Variants in GABBR2 observed in about 807,000 individuals in gnomAD.
GABBR2 encodes the protein G-protein coupled receptor 51.
In GABBR2, 23 loss-of-function variants were observed where a neutral mutation model predicts 105.6. The ratio of observed to expected loss-of-function variants is 0.22; its 90% CI spans 0.16 to 0.31. The LOEUF (loss-of-function observed/expected upper bound fraction) is 0.31, where lower values mean the gene tolerates loss of function less well. Ranked by LOEUF, GABBR2 falls within the 10% of genes least tolerant of loss-of-function variation. The pLI is 1.00. For missense variants in GABBR2, 734 were observed against 1,245.5 expected (o/e 0.59, Z 6.18); for synonymous variants, 478 against 499.7 (o/e 0.96, Z 0.58).
chr9:98,698,899 G>A (rs772631681), intron 1 of GABBR2, among the ~76,000 whole-genome samples: 4 of 152,180 alleles, frequency 2.6e-5, no homozygotes, highest in Non-Finnish European at 5.9e-5. Context: ...TCCTGAGTTA[G>A]TCCTGGCCAT....
At chr9:98,578,644 G>A (rs1332122115) in intron 1 of GABBR2, among the ~76,000 whole-genome samples, 3 of 152,164 alleles carry the variant, frequency 2.0e-5, no homozygotes, top group Non-Finnish European at 2.9e-5. Flanking sequence ...GGGACTTGAA[G>A]AGATAGTTGT....
At chr9:98,521,737 A>C (rs1031178580) in intron 3 of GABBR2, among the ~76,000 whole-genome samples, 11 of 152,192 alleles carry the variant, frequency 7.2e-5, no homozygotes, top group Non-Finnish European at 1.3e-4. Flanking sequence ...TTCCAGATGA[A>C]TATCCAAGGT....
chr9:98,508,522 AG>A (rs1258518613), intron 3 of GABBR2, among the ~76,000 whole-genome samples: 3 of 152,234 alleles, frequency 2.0e-5, no homozygotes, highest in East Asian at 3.8e-4. Context: ...AGTCAAAGAA[AG>A]GGGTAACAGA....
Position 98,306,432 on chromosome 9 carries a change from T to A in GABBR2, c.2005-87A>T, listed in dbSNP as rs1292894900. The A allele has an allele frequency of 2.5e-6, 2 of 810,532 alleles. No homozygotes were observed. The highest frequency in any genetic ancestry group is 2.4e-4 in the Middle Eastern group (1 of 4,240). The allele number at this position is 810,532 out of a possible 1,614,324, so 50.2% of individuals were successfully genotyped here. On this transcript the variant is annotated intron_variant, in intron 14 of 18. Coordinates refer to ENST00000259455, the MANE Select transcript of GABBR2 (RefSeq NM_005458.8). This position sits in a 1 kb window ranked among gnomAD's most constrained non-coding sequence, Gnocchi z 5.4. ...CTCTGAGAAGCTGTGGAGTGGAGGG[T>A]TACTCAGGAGGTGGGCTGCAGGGAG...
intron 3 of GABBR2, among the ~76,000 whole-genome samples, chr9:98,505,873 C>T (rs1827500070): frequency 6.6e-6 from 1 of 152,140 alleles, no homozygotes; most frequent in Admixed American, 6.5e-5. Flanking sequence ...AACTATGAGA[C>T]AATACATTTC....
chr9:98,691,400 G>A (rs1390476253), intron 1 of GABBR2, among the ~76,000 whole-genome samples: 1 of 152,158 alleles, frequency 6.6e-6, no homozygotes, highest in Non-Finnish European at 1.5e-5. Flanking sequence ...TTAACTCCAA[G>A]TCAGCCTAAT....
At chr9:98,353,320 C>A (rs1485693558) in intron 13 of GABBR2, among the ~76,000 whole-genome samples, 1 of 152,194 alleles carries the variant, frequency 6.6e-6, no homozygotes, top group African/African-American at 2.4e-5. Flanking sequence ...AATTATCTTG[C>A]TATTTCCACC....
intron 6 of GABBR2, among the ~76,000 whole-genome samples, chr9:98,455,914 C>T (rs529020758): frequency 1.3e-5 from 2 of 152,170 alleles, no homozygotes; most frequent in Non-Finnish European, 2.9e-5. Context: ...TCAGGGTCCT[C>T]CTGGAAGGCT....
At chr9:98,659,246 T>G (rs1830221261) in intron 1 of GABBR2, among the ~76,000 whole-genome samples, 1 of 152,254 alleles carries the variant, frequency 6.6e-6, no homozygotes, top group Non-Finnish European at 1.5e-5. Context: ...GTCTTCATTT[T>G]ACAGTTCTCC....
intron 1 of GABBR2, among the ~76,000 whole-genome samples, chr9:98,661,408 C>T (rs1482641806): frequency 6.6e-6 from 1 of 150,616 alleles, no homozygotes; most frequent in Non-Finnish European, 1.5e-5. Context: ...TGACTTTTCC[C>T]CCACCCCCCC....
At chr9:98,419,539 C>T (rs766484600) in intron 7 of GABBR2, among the ~76,000 whole-genome samples, 19 of 152,156 alleles carry the variant, frequency 1.2e-4, no homozygotes, top group Non-Finnish European at 2.4e-4. Context: ...GCGGAAGAAC[C>T]TCTCAAACAA....
chr9:98,623,445 A>G (rs1829694759), intron 1 of GABBR2, among the ~76,000 whole-genome samples: 1 of 152,136 alleles, frequency 6.6e-6, no homozygotes, highest in African/African-American at 2.4e-5. Context: ...AAATAAATAA[A>G]ATATTTTTAA....
intron 2 of GABBR2, among the ~76,000 whole-genome samples, chr9:98,546,498 C>G (rs1029151706): frequency 6.6e-6 from 1 of 152,118 alleles, no homozygotes; most frequent in African/African-American, 2.4e-5. Flanking sequence ...ATTCATTGAG[C>G]GAGTGAAGAT....
intron 1 of GABBR2, among the ~76,000 whole-genome samples, chr9:98,685,646 G>A (rs749905968): frequency 2.6e-5 from 4 of 152,010 alleles, no homozygotes; most frequent in African/African-American, 7.2e-5. Context: ...GGATCTCTTC[G>A]TCCCATGACA....
intron 6 of GABBR2, among the ~76,000 whole-genome samples, chr9:98,457,299 C>T (rs965296694): frequency 8.5e-5 from 13 of 152,316 alleles, no homozygotes; most frequent in African/African-American, 2.6e-4. Flanking sequence ...GACCAGAACA[C>T]GACACTGGAG....
chr9:98,438,184 CA>C (rs1746964147), intron 7 of GABBR2, among the ~76,000 whole-genome samples: 2 of 97,736 alleles, frequency 2.0e-5, no homozygotes, highest in South Asian at 6.6e-4. Flanking sequence ...TCCATCCATC[CA>C]TCCATCCATC....
chr9:98,692,834 A>G (rs1292827049), intron 1 of GABBR2, among the ~76,000 whole-genome samples: 1 of 152,232 alleles, frequency 6.6e-6, no homozygotes, highest in African/African-American at 2.4e-5. Context: ...GCTAGAGTTG[A>G]CTATTTCTTC....
In GABBR2 at chr9:98,306,534, C is replaced by G; in HGVS notation, c.2005-189G>C. The G allele has an allele frequency of 1.6e-6, 1 of 610,996 alleles. No individual in the cohort carries two copies. Among genetic ancestry groups the G allele is most frequent in the Non-Finnish European group, 2.9e-6 (1 of 341,288 alleles). The allele number at this position is 610,996 out of a possible 1,614,324, so 37.8% of individuals were successfully genotyped here. On this transcript the variant is annotated intron_variant, in intron 14 of 18. Coordinates refer to ENST00000259455, the MANE Select transcript of GABBR2 (RefSeq NM_005458.8). This position sits in a 1 kb window ranked among gnomAD's most constrained non-coding sequence, Gnocchi z 5.4. ...TCCCCACTTGTGGCCCTGCTGAGTC[C>G]TGCTGAGCAAATGCAGACTGGGGAT...
chr9:98,509,746 G>A (rs905763410), intron 3 of GABBR2, among the ~76,000 whole-genome samples: 3 of 152,208 alleles, frequency 2.0e-5, no homozygotes, highest in African/African-American at 4.8e-5. Flanking sequence ...AATGAACAAA[G>A]TCTCCAAGAA....
Sources: gnomAD v4.1 joint callset for allele counts (sites outside exome capture counted in the v4.1 genomes callset) on GRCh38, gnomAD v4.1.1 for gene constraint, Gnocchi (gnomAD v3.1) non-coding constraint, MANE v1.5 for transcripts, NCBI Gene and HGNC (gene_info 2026-07-23, HGNC 2026-07-21) for gene names.